Variants in CLIC5 observed in about 807,000 individuals in gnomAD.
CLIC5 encodes the protein chloride intracellular channel protein 5.
In CLIC5, 20 loss-of-function variants were observed where a neutral mutation model predicts 24.7. The ratio of observed to expected loss-of-function variants is 0.81; its 90% CI spans 0.57 to 1.18. The LOEUF (loss-of-function observed/expected upper bound fraction) is 1.18. CLIC5 is among the 50% of genes most tolerant of loss of function. The pLI is 0.00. For synonymous variants in CLIC5, 159 were observed against 135.6 expected (o/e 1.17, Z -1.20); for missense variants, 341 against 326.1 (o/e 1.05, Z -0.35).
At chr6:45,917,262 A>G (rs1366272929) in intron 4 of CLIC5, among the ~76,000 whole-genome samples, 1 of 152,164 alleles carries the variant, frequency 6.6e-6, no homozygotes, top group Non-Finnish European at 1.5e-5. Flanking sequence ...TGTTAAGACC[A>G]CTGCTGGGGT....
intron 1 of CLIC5, among the ~76,000 whole-genome samples, chr6:45,975,001 A>T (rs1383728125): frequency 1.3e-5 from 2 of 152,354 alleles, no homozygotes; most frequent in South Asian, 4.1e-4. Context: ...AGGATTACAG[A>T]TAAAGAATTG....
rs143771185 is a variant in CLIC5, at chr6:45,926,939, C to T, written c.407-12530G>A. ...GTATGTTCTCACGTCAAAGACAATG[C>T]TAGTCACAGAACATCATAGGATTTA... is the stretch of plus-strand genomic sequence containing the variant. On this transcript the variant is annotated intron_variant, in intron 4 of 5. Coordinates refer to ENST00000339561, the MANE Select transcript of CLIC5 (RefSeq NM_016929.5). Among the ~76,000 whole-genome samples the T allele has an allele frequency of 2.4e-3, 358 of 152,220 alleles. 4 individuals carry two copies. Among genetic ancestry groups the T allele is most frequent in the Non-Finnish European group, 6.9e-4 (47 of 68,020 alleles).
the CLIC5 span, among the ~76,000 whole-genome samples, chr6:46,087,152 T>C: frequency 2.0e-3 from 300 of 152,340 alleles, no homozygotes; most frequent in African/African-American, 7.0e-3. Context: ...ATTACATTGG[T>C]TGGCCCACCT....
At chr6:46,069,486 A>G (rs537781597) in intron 1 of CLIC5, among the ~76,000 whole-genome samples, 2 of 152,156 alleles carry the variant, frequency 1.3e-5, no homozygotes, top group Non-Finnish European at 2.9e-5. Context: ...TCCTGGACAC[A>G]TACACCCTCC....
the CLIC5 span, among the ~76,000 whole-genome samples, chr6:46,087,191 C>G: frequency 6.6e-6 from 1 of 152,108 alleles, no homozygotes; most frequent in African/African-American, 2.4e-5. Flanking sequence ...ATTATACAAT[C>G]TGGAAGAGGT....
At chr6:46,087,057 AATGCTTACTTGCAT>A in the CLIC5 span, among the ~76,000 whole-genome samples, 1 of 152,094 alleles carries the variant, frequency 6.6e-6, no homozygotes, top group Admixed American at 6.5e-5. Context: ...TCTCTTCATA[AATGCTTACTTGCAT>A]ATGATCCCCA....
intron 1 of CLIC5, among the ~76,000 whole-genome samples, chr6:46,040,795 C>A (rs894942627): frequency 6.6e-6 from 1 of 151,902 alleles, no homozygotes; most frequent in Non-Finnish European, 1.5e-5. Context: ...GCAGTTGTAG[C>A]AGTTGTGGCA....
Position 45,924,926 on chromosome 6 carries a change from C to T in CLIC5, c.407-10517G>A, listed in dbSNP as rs116750199. Among the ~76,000 whole-genome samples, 612 of 152,218 alleles carry T rather than the reference C, an allele frequency of 4.0e-3. 5 individuals carry two copies. The highest frequency in any genetic ancestry group is 6.5e-3 in the Non-Finnish European group (440 of 68,018). The stretch of plus-strand genomic sequence containing the variant: ...GCTTCTGGGAAAGATAAGATAGATG[C>T]GGCTGGCATTGTCTGGAATGCGGAT... On this transcript the variant is annotated intron_variant, in intron 4 of 5. Transcript: ENST00000339561.
intron 1 of CLIC5, among the ~76,000 whole-genome samples, chr6:46,056,597 C>T (rs1019993013): frequency 6.6e-6 from 1 of 152,164 alleles, no homozygotes; most frequent in Admixed American, 6.5e-5. Context: ...TTGAAATCAG[C>T]TATGGTGGGA....
downstream of CLIC5, chr6:45,880,873 G>A (rs539755789): frequency 1.8e-5 from 6 of 339,482 alleles, no homozygotes; most frequent in African/African-American, 6.3e-5. Flanking sequence ...GGGAACCGAC[G>A]GGCGTTGCCC....
chr6:46,121,851 T>C, the CLIC5 span, among the ~76,000 whole-genome samples: 3 of 151,914 alleles, frequency 2.0e-5, no homozygotes, highest in Non-Finnish European at 4.4e-5. Context: ...TACATAATGG[T>C]AAAGGGATCA....
chr6:45,913,581 G>C (rs536945717), intron 5 of CLIC5, among the ~76,000 whole-genome samples: 3 of 152,202 alleles, frequency 2.0e-5, no homozygotes, highest in African/African-American at 7.2e-5. Context: ...AAGTGGTCCA[G>C]GTTGAAGTGG....
the CLIC5 span, among the ~76,000 whole-genome samples, chr6:46,125,858 T>C: frequency 6.6e-6 from 1 of 152,136 alleles, no homozygotes; most frequent in Admixed American, 6.5e-5. Flanking sequence ...TCTACCTATT[T>C]AGCAATTGTT....
At chr6:45,897,087 A>G (rs1762404132), downstream of CLIC5, among the ~76,000 whole-genome samples, 1 of 152,018 alleles carries the variant, frequency 6.6e-6, no homozygotes, top group South Asian at 2.1e-4. Context: ...CACATCAAGG[A>G]CCCAGGTTCT....
intron 1 of CLIC5, among the ~76,000 whole-genome samples, chr6:45,958,441 T>TATACACACACACACACACAC (rs1554151284): frequency 0.13 from 2,406 of 17,892 alleles, 312 homozygotes; most frequent in Non-Finnish European, 0.21. Flanking sequence ...TATATATATA[T>TATACACACACACACACACAC]ATATATATAT....
chr6:45,996,414 C>G (rs1438797676), intron 1 of CLIC5, among the ~76,000 whole-genome samples: 2 of 152,096 alleles, frequency 1.3e-5, no homozygotes, highest in African/African-American at 4.8e-5. Flanking sequence ...GACATGAAGT[C>G]CTTGCCCATG....
the CLIC5 span, among the ~76,000 whole-genome samples, chr6:46,106,931 G>C: frequency 6.6e-6 from 1 of 152,160 alleles, no homozygotes; most frequent in African/African-American, 2.4e-5. Flanking sequence ...ATGGTCTCAT[G>C]ACTAAAATTT....
At position 45,962,063 on chromosome 6, in the gene CLIC5, TACACACACACAC is replaced by T. The variant is rs74732121; in HGVS notation, c.64-6831_64-6820del. Among the ~76,000 whole-genome samples, 771 of 145,530 alleles carry T rather than the reference TACACACACACAC, an allele frequency of 5.3e-3. 14 individuals carry two copies. Among genetic ancestry groups the T allele is most frequent in the Middle Eastern group, 7.1e-3 (2 of 280 alleles). ...ATATATACATACACATATATGTACA[TACACACACACAC>T]ACACACACACACACACACATCCTGT... On this transcript the variant is annotated intron_variant, in intron 1 of 5. Transcript: ENST00000339561.
intron 1 of CLIC5, among the ~76,000 whole-genome samples, chr6:46,069,911 G>A (rs1762546744): frequency 6.6e-6 from 1 of 152,090 alleles, no homozygotes; most frequent in Admixed American, 6.5e-5. Flanking sequence ...TGCAAGGTTG[G>A]TTCAACATAT....
Sources: allele counts gnomAD v4.1 joint callset (sites outside exome capture counted in the v4.1 genomes callset), GRCh38; gene constraint gnomAD v4.1.1; transcripts MANE v1.5; gene names NCBI Gene and HGNC (gene_info 2026-07-23, HGNC 2026-07-21).